PPM1H: variants seen among roughly 807,000 people sequenced by gnomAD.
PPM1H encodes protein phosphatase 1H.
In PPM1H, 27 loss-of-function variants were observed where a neutral mutation model predicts 54.9. The observed-to-expected ratio is 0.49, with a 90% CI of 0.36 to 0.68. PPM1H has a LOEUF of 0.68. PPM1H is among the 30% of genes least tolerant of loss of function. The probability of loss-of-function intolerance (pLI) is 0.00; values close to 1 mark genes in which losing one functional copy is unlikely to be tolerated. For missense variants in PPM1H, 596 were observed against 667.8 expected (o/e 0.89, Z 1.19); for synonymous variants, 305 against 270.8 (o/e 1.13, Z -1.24).
chr12:62,654,464 C>T (rs144427645), intron 9 of PPM1H, among the ~76,000 whole-genome samples: 380 of 152,308 alleles, frequency 2.5e-3, no homozygotes, highest in African/African-American at 8.8e-3. Context: ...ATGCAGACAG[C>T]CCACCCCAAG....
At chr12:62,714,562 C>G (rs560856648) in intron 6 of PPM1H, among the ~76,000 whole-genome samples, 1 of 152,124 alleles carries the variant, frequency 6.6e-6, no homozygotes, top group African/African-American at 2.4e-5. Flanking sequence ...AAGCCTACCC[C>G]CTGCCGCCAC....
chr12:62,734,868 C>A (rs935104163), intron 5 of PPM1H, among the ~76,000 whole-genome samples: 1 of 151,858 alleles, frequency 6.6e-6, no homozygotes, highest in Non-Finnish European at 1.5e-5. Context: ...GACAGTGAGA[C>A]CCCCCCATCT....
At chr12:62,879,819 G>A (rs1336760974) in intron 1 of PPM1H, among the ~76,000 whole-genome samples, 1 of 151,976 alleles carries the variant, frequency 6.6e-6, no homozygotes, top group African/African-American at 2.4e-5. Flanking sequence ...CTTAAAACTG[G>A]TATTGCTGGC....
In PPM1H at chr12:62,905,600, A is replaced by C. The variant is rs1237153739; in HGVS notation, c.245+28892T>G. Among the ~76,000 whole-genome samples, 4 of 152,258 alleles carry C rather than the reference A, an allele frequency of 2.6e-5. No homozygotes were observed. The East Asian group carries it at 7.7e-4, about 29-fold the overall frequency. The stretch of plus-strand genomic sequence containing the variant: ...TGCTAGGTGTTTTGTTTCTTCTATT[A>C]AATATTTATCCGTTTAAGTAGAGAA... On this transcript the variant is annotated intron_variant, in intron 1 of 9. Coordinates refer to ENST00000228705, the MANE Select transcript of PPM1H (RefSeq NM_020700.2).
intron 1 of PPM1H, among the ~76,000 whole-genome samples, chr12:62,840,750 A>G (rs150807392): frequency 0.012 from 1,789 of 152,282 alleles, 32 homozygotes; most frequent in African/African-American, 0.041. Flanking sequence ...AGACCACGAA[A>G]TTTTATAGGA....
At chr12:62,845,201 A>G (rs1316273757) in intron 1 of PPM1H, among the ~76,000 whole-genome samples, 2 of 152,230 alleles carry the variant, frequency 1.3e-5, no homozygotes, top group Non-Finnish European at 2.9e-5. Context: ...TAATTCTGAC[A>G]CTATCGGTTT....
intron 1 of PPM1H, among the ~76,000 whole-genome samples, chr12:62,904,208 A>C (rs1487010788): frequency 6.6e-6 from 1 of 152,152 alleles, no homozygotes; most frequent in African/African-American, 2.4e-5. Context: ...GCCCACAAAC[A>C]GAGCTGTGGG....
At chr12:62,899,874 A>G (rs924215272) in intron 1 of PPM1H, among the ~76,000 whole-genome samples, 14 of 152,210 alleles carry the variant, frequency 9.2e-5, no homozygotes, top group African/African-American at 3.4e-4. Flanking sequence ...CTAACCTCCA[A>G]TGCAATGGTA....
intron 4 of PPM1H, among the ~76,000 whole-genome samples, chr12:62,763,837 G>A (rs1189274455): frequency 6.6e-6 from 1 of 152,138 alleles, no homozygotes; most frequent in Non-Finnish European, 1.5e-5. Context: ...TCCATTTGCT[G>A]AGCTTGCTAC....
At chr12:62,876,810 C>T (rs943687101) in intron 1 of PPM1H, among the ~76,000 whole-genome samples, 2 of 152,190 alleles carry the variant, frequency 1.3e-5, no homozygotes, top group African/African-American at 4.8e-5. Context: ...CCCTTACAAA[C>T]CCAACATCCC....
intron 1 of PPM1H, among the ~76,000 whole-genome samples, chr12:62,884,338 G>GAA (rs67184820): frequency 1.4e-5 from 2 of 140,164 alleles, no homozygotes; most frequent in Non-Finnish European, 3.1e-5. Context: ...GCACCAAAAT[G>GAA]AAAAAAAAAA....
chr12:62,809,454 C>T (rs1262694845), intron 2 of PPM1H, among the ~76,000 whole-genome samples: 3 of 152,166 alleles, frequency 2.0e-5, no homozygotes, highest in Non-Finnish European at 2.9e-5. Context: ...TGGTTTGATG[C>T]ATAAAGTCAG....
intron 7 of PPM1H, 114 bp from the exon 8 acceptor site, chr12:62,689,920 G>T: frequency 1.5e-6 from 1 of 668,206 alleles, no homozygotes; most frequent in Non-Finnish European, 2.6e-6. Context: ...CTCCTGCCCA[G>T]ATATGTTTCC....
At chr12:62,730,145 T>A (rs2076312549) in intron 5 of PPM1H, among the ~76,000 whole-genome samples, 2 of 151,988 alleles carry the variant, frequency 1.3e-5, no homozygotes, top group Admixed American at 6.6e-5. Flanking sequence ...CCCACCCCTA[T>A]CTCCCTTTGC....
intron 1 of PPM1H, among the ~76,000 whole-genome samples, chr12:62,846,150 T>C (rs1260868250): frequency 6.6e-6 from 1 of 152,200 alleles, no homozygotes; most frequent in Non-Finnish European, 1.5e-5. Flanking sequence ...AATGTGGCCA[T>C]GTCTCTCCCA....
chr12:62,817,483 C>CAA (rs1246465210), intron 2 of PPM1H, among the ~76,000 whole-genome samples: 1 of 142,398 alleles, frequency 7.0e-6, no homozygotes, highest in African/African-American at 2.5e-5. Flanking sequence ...AACAAACAAA[C>CAA]AAAAAAAAAA....
intron 6 of PPM1H, among the ~76,000 whole-genome samples, chr12:62,700,975 T>A (rs1385574748): frequency 1.3e-5 from 2 of 152,214 alleles, no homozygotes; most frequent in African/African-American, 4.8e-5. Context: ...TTTTACTTCC[T>A]TACTATGGTT....
intron 1 of PPM1H, among the ~76,000 whole-genome samples, chr12:62,882,733 T>C (rs948894439): frequency 6.6e-6 from 1 of 152,250 alleles, no homozygotes; most frequent in African/African-American, 2.4e-5. Context: ...CTTTCTGGTA[T>C]TTTTATAATA....
intron 1 of PPM1H, among the ~76,000 whole-genome samples, chr12:62,866,032 T>A (rs1247233120): frequency 6.6e-6 from 1 of 152,140 alleles, no homozygotes; most frequent in Non-Finnish European, 1.5e-5. Context: ...CAAGCCAACG[T>A]CTGTGGTGAA....
Sources: allele counts gnomAD v4.1 joint callset (sites outside exome capture counted in the v4.1 genomes callset), GRCh38; gene constraint gnomAD v4.1.1; transcripts MANE v1.5; gene names NCBI Gene and HGNC (gene_info 2026-07-23, HGNC 2026-07-21).